VPS39: variants seen among roughly 807,000 people sequenced by gnomAD.
The protein encoded by VPS39 is VPS39 subunit of HOPS complex, also known as vam6/Vps39-like protein.
Under a neutral mutation model 121.0 loss-of-function variants are expected in VPS39, and 70 were observed. That is an observed-to-expected ratio of 0.58 (90% CI 0.48 to 0.71). VPS39 has a LOEUF of 0.71. Ranked by LOEUF, VPS39 falls within the 30% of genes least tolerant of loss-of-function variation. The pLI is 0.00. For synonymous variants in VPS39, 378 were observed against 398.1 expected (o/e 0.95, Z 0.60); for missense variants, 818 against 1,051.5 (o/e 0.78, Z 3.07).
rs376363409 is a variant in VPS39 at position 42,178,332 on chromosome 15, G to A, written c.846C>T (p.Asn282=). The part of the protein sequence containing the change: ...RPRFITSGGS[N]IIYVASNHFV... The stretch of plus-strand genomic sequence containing the variant: ...AATGATTGCTGGCCACATAGATAAT[G>A]TTTGATCTGGAAGCAAGAGTAAGAA... Residue 282 remains asparagine (N), a synonymous_variant, in exon 10 of 25, where the codon AAC becomes AAT. Transcript: ENST00000318006. The A allele has an allele frequency of 1.8e-5, 29 of 1,614,028 alleles. No homozygotes were observed. Among genetic ancestry groups the A allele is most frequent in the Admixed American group, 3.3e-5 (2 of 59,996 alleles).
At chr15:42,179,485 G>A (rs1876739) in intron 8 of VPS39, among the ~76,000 whole-genome samples, 28 of 151,230 alleles carry the variant, frequency 1.9e-4, no homozygotes, top group African/African-American at 6.1e-4. Flanking sequence ...GCTGAGGCAG[G>A]AGAATGGCGT....
chr15:42,188,449 T>G (rs1239283537), intron 5 of VPS39, among the ~76,000 whole-genome samples: 1 of 152,176 alleles, frequency 6.6e-6, no homozygotes, highest in Non-Finnish European at 1.5e-5. Context: ...GACAAAGACC[T>G]CAGTGATCTG....
chr15:42,199,842 G>C, intron 2 of VPS39, 54 bp downstream of exon 2: 1 of 1,515,672 alleles, frequency 6.6e-7, no homozygotes, highest in Middle Eastern at 1.7e-4. Flanking sequence ...TTTCACAGTT[G>C]TATACTAGCT....
chr15:42,167,282 A>G lies in VPS39; in HGVS notation c.1377+112T>C, dbSNP rs867502332. On this transcript the variant is annotated intron_variant, in intron 13 of 24. Coordinates refer to ENST00000318006, the MANE Select transcript of VPS39 (RefSeq NM_015289.5). ...GAAGTCTATATGGTTTCCAGAATCA[A>G]AGACTTCACTCTTACTAATGGCAGG... 1.2e-5 allele frequency: 16 copies of G among 1,385,148 alleles called. No homozygotes were observed. In the African/African-American group the frequency reaches 1.7e-4, roughly 15 times the overall value. The allele number at this position is 1,385,148 out of a possible 1,614,324, so 85.8% of individuals were successfully genotyped here.
rs769816959 is a variant in VPS39 at position 42,184,529 on chromosome 15, G to C, written c.706C>G (p.Pro236Ala). The C allele has an allele frequency of 6.2e-7, 1 of 1,607,830 alleles. No individual in the cohort carries two copies. Among genetic ancestry groups the C allele is most frequent in the South Asian group, 1.1e-5 (1 of 90,002 alleles). The change falls in exon 8 of 25, where the codon CCA becomes GCA. Residue 236 changes from proline (P) to alanine (A), a missense_variant. Physicochemically the swap from Pro to Ala is conservative, Grantham distance 27. Transcript: ENST00000318006. ...CTGTTGGTCTCACCCATGGCCACTGGTATGTCCGTCCAGTTCAGGGCACAT... is the reference window on the plus strand; with the variant it reads ...CTGTTGGTCTCACCCATGGCCACTGCTATGTCCGTCCAGTTCAGGGCACAT... Reference protein sequence around the residue: ...QKCALNWTDIPVAMEHQPPYI... With the variant: ...QKCALNWTDIAVAMEHQPPYI...
Position 42,162,331 on chromosome 15 carries a change from C to G in VPS39, c.2325+1G>C, listed in dbSNP as rs771010297. On this transcript the variant is annotated splice_donor_variant, in intron 22 of 24. Coordinates refer to ENST00000318006, the MANE Select transcript of VPS39 (RefSeq NM_015289.5). LOFTEE classifies it high-confidence loss of function. ...CCATCTCCCTAGGAACAACTCCTGA[C>G]CTTGGTGGTGTCCAGTTTGCTGTGG... is the stretch of plus-strand genomic sequence containing the variant. The G allele has an allele frequency of 2.5e-6, 4 of 1,608,672 alleles. No homozygotes were observed. The highest frequency in any genetic ancestry group is 3.4e-6 in the Non-Finnish European group (4 of 1,176,594).
At position 42,160,377 on chromosome 15, in the gene VPS39, A is replaced by T. The variant is rs975586694; in HGVS notation, c.*377T>A. 19 of 236,212 alleles carry T rather than the reference A, an allele frequency of 8.0e-5. No individual in the cohort carries two copies. Among genetic ancestry groups the T allele is most frequent in the African/African-American group, 4.0e-4 (18 of 45,422 alleles). 14.6% of individuals were successfully genotyped at this position (236,212 alleles called of 1,614,324 possible). A position where few individuals can be genotyped will look rare whatever the true frequency, so the allele number is the denominator to read the frequency against. ...GAGCCATGCTGAGCGGTCCTTGTGA[A>T]GTCATGTACTTAATAGAAAAGCCCT... On this transcript the variant is annotated 3_prime_UTR_variant, in exon 25 of 25. Transcript: ENST00000318006.
chr15:42,165,407 T>TCCTGTGGTC (rs1164835125), intron 17 of VPS39: 1 of 511,884 alleles, frequency 2.0e-6, no homozygotes, highest in African/African-American at 1.9e-5. Context: ...TGCATCCTGG[T>TCCTGTGGTC]ACTTAAGCCT....
Position 42,165,730 on chromosome 15 carries a change from A to T in VPS39, c.1767T>A (p.Ala589=). The T allele has an allele frequency of 6.2e-7, 1 of 1,614,124 alleles. No individual in the cohort carries two copies. ...GFLIENFKGL[A]IPYLEHIIHV... is the part of the protein sequence containing the mutation. ...AAAAATACCTTACCAGATAAGGAAT[A>T]GCCAGACCCTTAAAATTCTCTATTA... The change falls in exon 17 of 25, where the codon GCT becomes GCA. Residue 589 remains alanine, a synonymous_variant. Transcript: ENST00000318006.
intron 1 of VPS39, among the ~76,000 whole-genome samples, chr15:42,205,076 G>C (rs2050141992): frequency 6.6e-6 from 1 of 151,946 alleles, no homozygotes; most frequent in Non-Finnish European, 1.5e-5. Flanking sequence ...ATACAGATTA[G>C]CATTTAACAA....
At chr15:42,189,260 T>TAGCC in intron 4 of VPS39, 52 bp from the exon 5 acceptor site, 1 of 1,486,746 alleles carries the variant, frequency 6.7e-7, no homozygotes, top group Non-Finnish European at 9.4e-7. Flanking sequence ...TTCTCTAGCA[T>TAGCC]AGCCACTATC....
chr15:42,184,800 T>C, intron 7 of VPS39, 100 bp from the exon 8 acceptor site: 3 of 1,132,042 alleles, frequency 2.7e-6, no homozygotes, highest in Non-Finnish European at 3.8e-6. Context: ...AAGCCAATAA[T>C]ATTCCTTGTT....
At chr15:42,199,514 GT>G in intron 2 of VPS39, 1 of 439,416 alleles carries the variant, frequency 2.3e-6, no homozygotes, top group South Asian at 1.7e-5. Context: ...TTAAATCGAT[GT>G]TGCCTAATTT....
chr15:42,168,408 C>T (rs752787907), intron 12 of VPS39, among the ~76,000 whole-genome samples: 12 of 152,142 alleles, frequency 7.9e-5, no homozygotes, highest in Non-Finnish European at 1.5e-4. Flanking sequence ...GGCTGCCAGC[C>T]CCAGGAGGGT....
rs539444030 is a variant in VPS39, at chr15:42,198,022, C to T, written c.139+1874G>A. Among the ~76,000 whole-genome samples, 91 of 152,188 alleles carry T rather than the reference C, an allele frequency of 6.0e-4. 1 individual carries two copies. In the South Asian group the frequency reaches 0.013, roughly 22 times the overall value. On this transcript the variant is annotated intron_variant, in intron 2 of 24. Transcript: ENST00000318006. ...TTGTCTATATTTAATCTACCTATGG[C>T]GAAACCAAGGCCCAGGAACATTAAC...
intron 7 of VPS39, among the ~76,000 whole-genome samples, chr15:42,186,208 G>C (rs2049697571): frequency 6.6e-6 from 1 of 152,040 alleles, no homozygotes; most frequent in Admixed American, 6.5e-5. Flanking sequence ...GAGGCAGGAG[G>C]GCTGCTTGAG....
At chr15:42,182,923 G>T (rs2049613628) in intron 8 of VPS39, among the ~76,000 whole-genome samples, 1 of 152,128 alleles carries the variant, frequency 6.6e-6, no homozygotes, top group South Asian at 2.1e-4. Context: ...CTCTTCTGAA[G>T]GGAAAACAAG....
intron 11 of VPS39, among the ~76,000 whole-genome samples, chr15:42,170,706 C>G (rs1841590233): frequency 6.9e-6 from 1 of 144,110 alleles, no homozygotes; most frequent in Admixed American, 7.0e-5. Context: ...TTCCTTCTGC[C>G]TTAGAATTTA....
rs143055725 is a variant in VPS39, at chr15:42,162,158, G to A, written c.2334C>T (p.Asn778=). 59 of 1,614,198 alleles carry A rather than the reference G, an allele frequency of 3.7e-5. No homozygotes were observed. The African/African-American group carries it at 6.5e-4, about 18-fold the overall frequency. Residue 778 remains asparagine (N), a synonymous_variant, in exon 23 of 25, where the codon AAC becomes AAT. Coordinates refer to ENST00000318006, the MANE Select transcript of VPS39 (RefSeq NM_015289.5). ...HSKLDTTKAL[N]LLPANTQIND... Reference sequence around the variant, plus strand: ...TGATCTGAGTGTTTGCTGGCAGAAGGTTGAGGGCCTAGGGACAGGAACAGA... The same window carrying A: ...TGATCTGAGTGTTTGCTGGCAGAAGATTGAGGGCCTAGGGACAGGAACAGA...
Sources: gnomAD v4.1 joint callset for allele counts (sites outside exome capture counted in the v4.1 genomes callset) on GRCh38, gnomAD v4.1.1 for gene constraint, MANE v1.5 for transcripts, NCBI Gene and HGNC (gene_info 2026-07-23, HGNC 2026-07-21) for gene names.